The following DCC variants were observed in gnomAD, a reference collection of about 807,000 sequenced individuals.
The protein encoded by DCC is netrin receptor DCC.
In DCC, 58 loss-of-function variants were observed where a neutral mutation model predicts 172.5. That is an observed-to-expected ratio of 0.34 (90% confidence interval 0.27 to 0.42). The LOEUF (loss-of-function observed/expected upper bound fraction) is 0.42. Ranked by LOEUF, DCC falls within the 10% of genes least tolerant of loss-of-function variation. DCC has a pLI of 1.00. For missense variants in DCC, 1,740 were observed against 1,791.0 expected (o/e 0.97, Z 0.51); for synonymous variants, 709 against 644.5 (o/e 1.10, Z -1.52).
At chr18:52,616,401 TGACTAGAAATTCATCTATGCCAGA>T (rs1456889139) in intron 1 of DCC, among the ~76,000 whole-genome samples, 1 of 152,158 alleles carries the variant, frequency 6.6e-6, no homozygotes, top group African/African-American at 2.4e-5. Context: ...CAATTCAAAG[TGACTAGAAATTCATCTATGCCAGA>T]GATGTCTTCA....
chr18:53,216,956 T>C (rs1354808115), intron 12 of DCC, among the ~76,000 whole-genome samples: 2 of 152,146 alleles, frequency 1.3e-5, no homozygotes, highest in Non-Finnish European at 2.9e-5. Flanking sequence ...ACAATTATTG[T>C]ATGTTGTTAA....
At chr18:53,114,926 T>C (rs192427496) in intron 7 of DCC, among the ~76,000 whole-genome samples, 1 of 151,680 alleles carries the variant, frequency 6.6e-6, no homozygotes, top group Non-Finnish European at 1.5e-5. Context: ...ATTTTGAACG[T>C]TGAAAGCAAG....
chr18:53,388,093 C>A (rs1908293607), intron 16 of DCC, among the ~76,000 whole-genome samples: 1 of 152,120 alleles, frequency 6.6e-6, no homozygotes, highest in Non-Finnish European at 1.5e-5. Context: ...TTTCTGATGA[C>A]TCAGATCTTA....
At chr18:53,192,154 T>G (rs182448882) in intron 9 of DCC, among the ~76,000 whole-genome samples, 12 of 152,314 alleles carry the variant, frequency 7.9e-5, no homozygotes, top group Admixed American at 6.5e-4. Context: ...TTCTGCCCTG[T>G]GTGATTATCA....
At chr18:52,723,372 A>G (rs1331573094) in intron 1 of DCC, among the ~76,000 whole-genome samples, 3 of 152,204 alleles carry the variant, frequency 2.0e-5, no homozygotes, top group Non-Finnish European at 4.4e-5. Flanking sequence ...TAAGGATGAC[A>G]CAAACCCTGT....
At position 52,923,792 on chromosome 18, in the gene DCC, T is replaced by C. The variant is rs764544614; in HGVS notation, c.783T>C (p.Cys261=). The C allele has an allele frequency of 2.5e-6, 4 of 1,613,186 alleles. No homozygotes were observed. The highest frequency in any genetic ancestry group is 4.5e-5 in the East Asian group (2 of 44,842). The stretch of plus-strand genomic sequence containing the variant: ...AAGGAAAAGATGCTGTCCTGGAATG[T>C]TGTGTTTCTGGCTATCCTCCACCAA... ...AIEGKDAVLE[C]CVSGYPPPSF... The change falls in exon 4 of 29, where the codon TGT becomes TGC. Residue 261 remains cysteine (C), a synonymous_variant. Coordinates refer to ENST00000442544, the MANE Select transcript of DCC (RefSeq NM_005215.4).
In DCC at chr18:53,402,770, C is replaced by G. The variant is rs1356765964; in HGVS notation, c.2828-16C>G. ...CACATCCAATGACAAGGCCTTATCTCTGTCTCACCTCACAGCCCCCACCTC... is the reference window on the plus strand; with the variant it reads ...CACATCCAATGACAAGGCCTTATCTGTGTCTCACCTCACAGCCCCCACCTC... On this transcript the variant is annotated splice_polypyrimidine_tract_variant and intron_variant, in intron 18 of 28. Transcript: ENST00000442544. The G allele has an allele frequency of 7.0e-6, 11 of 1,571,784 alleles. No individual in the cohort carries two copies. The highest frequency in any genetic ancestry group is 8.8e-6 in the Non-Finnish European group (10 of 1,141,426).
At chr18:52,745,904 C>G (rs556112373) in intron 1 of DCC, among the ~76,000 whole-genome samples, 1 of 152,228 alleles carries the variant, frequency 6.6e-6, no homozygotes, top group African/African-American at 2.4e-5. Context: ...ACTTTGAGAA[C>G]CACTGTTTCA....
chr18:53,511,844 A>C (rs1469733647), intron 27 of DCC, among the ~76,000 whole-genome samples: 1 of 152,052 alleles, frequency 6.6e-6, no homozygotes, highest in Non-Finnish European at 1.5e-5. Context: ...CTAGCACAGC[A>C]CGGCAGTCTG....
intron 12 of DCC, among the ~76,000 whole-genome samples, chr18:53,254,307 G>C (rs2056477525): frequency 6.6e-6 from 1 of 152,048 alleles, no homozygotes; most frequent in Admixed American, 6.6e-5. Context: ...ATGGGTTTCA[G>C]ATTCGCCTAT....
At chr18:53,353,348 C>T (rs902328029) in intron 15 of DCC, among the ~76,000 whole-genome samples, 4 of 150,924 alleles carry the variant, frequency 2.7e-5, no homozygotes, top group African/African-American at 9.7e-5. Context: ...CTATAAAACC[C>T]ACCAACGTTA....
At chr18:53,528,949 A>G (rs1292541879) in intron 28 of DCC, among the ~76,000 whole-genome samples, 3 of 151,788 alleles carry the variant, frequency 2.0e-5, no homozygotes, top group African/African-American at 7.3e-5. Context: ...CGACAACCAG[A>G]CAATGAAAAC....
intron 26 of DCC, among the ~76,000 whole-genome samples, chr18:53,487,941 G>A (rs762740879): frequency 6.6e-5 from 10 of 152,084 alleles, no homozygotes; most frequent in East Asian, 1.9e-4. Flanking sequence ...CAAGACAACT[G>A]GAAATGGAAT....
intron 2 of DCC, among the ~76,000 whole-genome samples, chr18:52,888,585 G>C (rs2039602418): frequency 6.6e-6 from 1 of 152,000 alleles, no homozygotes; most frequent in South Asian, 2.1e-4. Flanking sequence ...TAACAAGTAT[G>C]AAAAGTGTTC....
rs771572900 is a variant in DCC at position 53,526,758 on chromosome 18, A to T, written c.4253A>T (p.Asn1418Ile). Residue 1418 changes from asparagine to isoleucine, a missense_variant and splice_region_variant, in exon 28 of 29, where the codon AAT becomes ATT. Asn to Ile is a moderately radical substitution (Grantham distance 149, BLOSUM62 -3). Transcript: ENST00000442544. ...CACAAACCAACAGAGGATTCAGCCA[A>T]TGTAAGGGCATCTTTAAAATTCATG... is the stretch of plus-strand genomic sequence containing the variant. ...ESHKPTEDSA[N>I]VYEQDDLSEQ... The T allele has an allele frequency of 1.9e-6, 3 of 1,613,206 alleles. No homozygotes were observed. The African/African-American group carries it at 4.0e-5, about 22-fold the overall frequency.
chr18:52,511,633 C>T (rs549605602), intron 1 of DCC, among the ~76,000 whole-genome samples: 13 of 152,118 alleles, frequency 8.5e-5, no homozygotes, highest in Non-Finnish European at 1.8e-4. Context: ...CACAAGACAG[C>T]CCCCATAATA....
chr18:53,382,547 TA>T (rs1468744758), intron 15 of DCC, among the ~76,000 whole-genome samples: 8 of 152,114 alleles, frequency 5.3e-5, no homozygotes, highest in African/African-American at 1.7e-4. Flanking sequence ...ATAGCATTCA[TA>T]AGCTATATCA....
chr18:52,982,036 C>T (rs1415701651), intron 5 of DCC, among the ~76,000 whole-genome samples: 3 of 152,134 alleles, frequency 2.0e-5, no homozygotes, highest in Admixed American at 6.6e-5. Context: ...AAGGCTGAAA[C>T]CAGATGCTTA....
chr18:52,783,764 C>G (rs1283832085), intron 2 of DCC, among the ~76,000 whole-genome samples: 1 of 151,824 alleles, frequency 6.6e-6, no homozygotes, highest in Non-Finnish European at 1.5e-5. Context: ...CAAGTAGGTA[C>G]AAGTTTATAC....
Sources: gnomAD v4.1 joint callset for allele counts (sites outside exome capture counted in the v4.1 genomes callset) on GRCh38, gnomAD v4.1.1 for gene constraint, MANE v1.5 for transcripts, NCBI Gene and HGNC (gene_info 2026-07-23, HGNC 2026-07-21) for gene names.